OXR1: variants seen among roughly 807,000 people sequenced by gnomAD.
OXR1 encodes the protein oxidation resistance 1.
In OXR1, 41 loss-of-function variants were observed where a neutral mutation model predicts 104.6. That is an observed-to-expected ratio of 0.39 (90% CI 0.31 to 0.51). The LOEUF is 0.51. OXR1 is among the 20% of genes least tolerant of loss of function. The pLI, the probability that OXR1 is intolerant of heterozygous loss-of-function variation, is 0.77. For synonymous variants in OXR1, 348 were observed against 348.4 expected (o/e 1.00, Z 0.01); for missense variants, 955 against 1,031.9 (o/e 0.93, Z 1.02).
At chr8:106,582,056 A>G (rs1818271606) in intron 3 of OXR1, among the ~76,000 whole-genome samples, 3 of 148,524 alleles carry the variant, frequency 2.0e-5, no homozygotes, top group Non-Finnish European at 4.5e-5. Flanking sequence ...CTAAAAAACA[A>G]CAACAACAAA....
chr8:106,456,378 C>T (rs535275514), intron 2 of OXR1, among the ~76,000 whole-genome samples: 9 of 151,984 alleles, frequency 5.9e-5, no homozygotes, highest in African/African-American at 1.2e-4. Flanking sequence ...TAGTATACTC[C>T]GCAGAAGCAG....
intron 2 of OXR1, among the ~76,000 whole-genome samples, chr8:106,378,586 C>T (rs117353133): frequency 0.029 from 4,348 of 152,254 alleles, 74 homozygotes; most frequent in East Asian, 0.067. Context: ...CTCGGCTCAC[C>T]ACAACTTCTG....
intron 1 of OXR1, among the ~76,000 whole-genome samples, chr8:106,296,387 T>C (rs1162180220): frequency 3.3e-5 from 5 of 152,218 alleles, no homozygotes; most frequent in African/African-American, 1.2e-4. Context: ...ATTAGTAATA[T>C]GTATTGAGGG....
intron 1 of OXR1, among the ~76,000 whole-genome samples, chr8:106,356,195 T>A (rs1815962073): frequency 6.6e-6 from 1 of 152,298 alleles, no homozygotes; most frequent in South Asian, 2.1e-4. Context: ...TTTCAATGGC[T>A]ACATTTTAAA....
At chr8:106,723,187 C>T (rs1039803339) in intron 11 of OXR1, among the ~76,000 whole-genome samples, 1 of 151,992 alleles carries the variant, frequency 6.6e-6, no homozygotes, top group East Asian at 1.9e-4. Flanking sequence ...GAAATCCCAT[C>T]TCTATTAAAA....
chr8:106,693,674 A>G (rs1422561056), intron 7 of OXR1, among the ~76,000 whole-genome samples: 1 of 151,938 alleles, frequency 6.6e-6, no homozygotes, highest in African/African-American at 2.4e-5. Context: ...CAGGTGATCC[A>G]CTTGCCTCGG....
chr8:106,280,085 A>G (rs1812216203), intron 1 of OXR1, among the ~76,000 whole-genome samples: 1 of 152,148 alleles, frequency 6.6e-6, no homozygotes, highest in Non-Finnish European at 1.5e-5. Context: ...TTACTACTGG[A>G]AGAGGGGAAT....
chr8:106,447,778 C>T, intron 2 of OXR1: 2 of 691,740 alleles, frequency 2.9e-6, no homozygotes, highest in Non-Finnish European at 4.3e-6. Flanking sequence ...TAATAACCTC[C>T]TTCGTTGTAC....
chr8:106,640,436 T>C (rs1304146348), intron 3 of OXR1, among the ~76,000 whole-genome samples: 1 of 151,766 alleles, frequency 6.6e-6, no homozygotes, highest in Admixed American at 6.6e-5. Context: ...ATTATGATTT[T>C]CCCCTTATAA....
chr8:106,661,045 G>C (rs1300768839), intron 3 of OXR1, among the ~76,000 whole-genome samples: 1 of 151,964 alleles, frequency 6.6e-6, no homozygotes, highest in African/African-American at 2.4e-5. Context: ...AGGCATGGTG[G>C]CACACTCCTG....
At chr8:106,462,220 TAA>T (rs1235944840) in intron 2 of OXR1, among the ~76,000 whole-genome samples, 1 of 152,146 alleles carries the variant, frequency 6.6e-6, no homozygotes, top group Non-Finnish European at 1.5e-5. Flanking sequence ...TTAGAGAACT[TAA>T]GTTAGATTTC....
intron 3 of OXR1, among the ~76,000 whole-genome samples, chr8:106,637,155 T>C (rs188394340): frequency 1.5e-3 from 224 of 152,324 alleles, no homozygotes; most frequent in Admixed American, 3.9e-3. Flanking sequence ...GGCTAGAGAA[T>C]TGTAATTAAA....
At chr8:106,707,253 T>C in intron 9 of OXR1, 108 bp downstream of exon 9, 1 of 888,004 alleles carries the variant, frequency 1.1e-6, no homozygotes, top group Non-Finnish European at 1.9e-6. Flanking sequence ...GAAGGATAAG[T>C]GAGTGACCCT....
chr8:106,598,578 C>T (rs1819703825), intron 3 of OXR1, among the ~76,000 whole-genome samples: 1 of 152,128 alleles, frequency 6.6e-6, no homozygotes, highest in Non-Finnish European at 1.5e-5. Flanking sequence ...CCGACATGTC[C>T]AAAATTCAAA....
chr8:106,616,727 C>T (rs1328950009), intron 3 of OXR1, among the ~76,000 whole-genome samples: 3 of 152,166 alleles, frequency 2.0e-5, no homozygotes, highest in African/African-American at 7.2e-5. Context: ...ACTGGTGGCA[C>T]CATGAACTCC....
intron 3 of OXR1, among the ~76,000 whole-genome samples, chr8:106,589,947 A>T (rs1172368865): frequency 1.3e-5 from 2 of 152,202 alleles, no homozygotes; most frequent in East Asian, 3.9e-4. Context: ...GATTACAGGT[A>T]TGAACCACCA....
At chr8:106,440,104 T>C (rs951033584) in intron 2 of OXR1, among the ~76,000 whole-genome samples, 3 of 152,082 alleles carry the variant, frequency 2.0e-5, no homozygotes, top group Non-Finnish European at 4.4e-5. Context: ...CTGAGAGTGG[T>C]GCTCCTCAGC....
At chr8:106,418,203 A>C (rs1053618152) in intron 2 of OXR1, among the ~76,000 whole-genome samples, 1 of 152,158 alleles carries the variant, frequency 6.6e-6, no homozygotes, top group Admixed American at 6.6e-5. Context: ...AAGAATGAAG[A>C]CTGCAAATTT....
At chr8:106,546,985 G>T (rs1335710046) in intron 3 of OXR1, among the ~76,000 whole-genome samples, 1 of 152,166 alleles carries the variant, frequency 6.6e-6, no homozygotes, top group East Asian at 1.9e-4. Flanking sequence ...TCCGCCTTTG[G>T]TTTTAAGCAA....
Sources: allele counts gnomAD v4.1 joint callset (sites outside exome capture counted in the v4.1 genomes callset), GRCh38; gene constraint gnomAD v4.1.1; transcripts MANE v1.5; gene names NCBI Gene and HGNC (gene_info 2026-07-23, HGNC 2026-07-21).